The following PHF8 variants were observed in gnomAD, a reference collection of about 807,000 sequenced individuals.
The protein encoded by PHF8 is PHD finger protein 8.
A neutral mutation model predicts 74.4 loss-of-function variants in PHF8; 9 were observed. That is an observed-to-expected ratio of 0.12 (90% CI 0.07 to 0.21). The LOEUF is 0.21. PHF8 is among the 10% of genes least tolerant of loss of function. PHF8 has a pLI of 1.00. For synonymous variants in PHF8, 311 were observed against 316.6 expected, an observed-to-expected ratio of 0.98 and a Z score of 0.19; for missense variants, 478 against 816.6, an observed-to-expected ratio of 0.59 and a Z score of 5.05.
chrX:53,955,557 C>CTTTT (rs369969712), intron 19 of PHF8, among the ~76,000 whole-genome samples: 2 of 72,978 alleles, frequency 2.7e-5, no homozygotes, highest in Non-Finnish European at 5.0e-5. Flanking sequence ...CTCTTCTTTT[C>CTTTT]TTTTTTTTTT....
intron 20 of PHF8, chrX:53,943,526 G>A: frequency 1.6e-6 from 1 of 620,577 alleles, no homozygotes; most frequent in Middle Eastern, 3.5e-4. Context: ...TATAGGATAT[G>A]GGATTAGGAG....
At chrX:54,032,107 A>G (rs1569529682) in intron 2 of PHF8, among the ~76,000 whole-genome samples, 1 of 111,673 alleles carries the variant, frequency 9.0e-6, no homozygotes, top group Non-Finnish European at 1.9e-5. Context: ...CACTTGCTCA[A>G]AAAGCTTCTG....
intron 19 of PHF8, among the ~76,000 whole-genome samples, chrX:53,948,115 C>T (rs930813021): frequency 3.6e-5 from 4 of 111,542 alleles, no homozygotes; most frequent in African/African-American, 1.3e-4. Flanking sequence ...AAAAAGAACC[C>T]TCCTTGATTA....
Position 53,940,207 on chromosome X carries a change from C to T in PHF8, c.2959G>A (p.Gly987Ser), listed in dbSNP as rs1176242486. 11 of 1,184,263 alleles carry T rather than the reference C, an allele frequency of 9.3e-6. No individual in the cohort carries two copies. The highest frequency in any genetic ancestry group is 1.0e-5 in the Non-Finnish European group (9 of 881,742). Reference protein sequence around the residue: ...VFLTQRRPSVGSQSNQAGQGK... With the variant: ...VFLTQRRPSVSSQSNQAGQGK... ...TGTCCTGCCTGATTGCTCTGGGAGC[C>T]AACTGAAGGGCGCCGCTGGGTCAAG... is the stretch of plus-strand genomic sequence containing the variant. Residue 987 changes from glycine (G) to serine (S), a missense_variant, in exon 21 of 22, where the codon GGC becomes AGC. Transcript: ENST00000338154.
chrX:53,966,851 C>G (rs1557092828), intron 18 of PHF8, among the ~76,000 whole-genome samples: 1 of 109,591 alleles, frequency 9.1e-6, no homozygotes, highest in African/African-American at 3.3e-5. Context: ...GGCCGCCCAT[C>G]GTCTGAGATG....
chrX:54,042,328 AAT>A (rs1192511409), intron 2 of PHF8, among the ~76,000 whole-genome samples: 1 of 99,466 alleles, frequency 1.0e-5, no homozygotes, highest in Non-Finnish European at 2.0e-5. Context: ...TAAAAAATAA[AAT>A]AGAGAAGAAT....
At chrX:53,960,706 G>A (rs782398498) in intron 19 of PHF8, among the ~76,000 whole-genome samples, 37 of 108,598 alleles carry the variant, frequency 3.4e-4, no homozygotes, top group Non-Finnish European at 5.7e-4. Context: ...CCAAGATCCC[G>A]CCACTGCACT....
At position 53,938,778 on chromosome X, in the gene PHF8, CT is replaced by C; in HGVS notation, c.*379del. Reference sequence around the variant, plus strand: ...GTTGCAGAAAGTGTCAAGCACTGGGCTTCCCACTTCATGGCTCAGGCTCCTT... The same window carrying C: ...GTTGCAGAAAGTGTCAAGCACTGGGCTCCCACTTCATGGCTCAGGCTCCTT... On this transcript the variant is annotated 3_prime_UTR_variant, in exon 22 of 22. Transcript: ENST00000338154. The C allele has an allele frequency of 1.3e-6, 1 of 781,364 alleles. No homozygotes were observed. Among genetic ancestry groups the C allele is most frequent in the Non-Finnish European group, 1.5e-6 (1 of 657,126 alleles). 64.4% of individuals were successfully genotyped at this position (781,364 alleles called of 1,213,427 possible).
At chrX:53,994,299 G>T (rs1443804707) in intron 12 of PHF8, among the ~76,000 whole-genome samples, 1 of 112,318 alleles carries the variant, frequency 8.9e-6, no homozygotes, top group East Asian at 2.8e-4. Context: ...AAAGTTATCT[G>T]ACCATTTGAG....
At chrX:53,953,685 T>TA (rs1483918945) in intron 19 of PHF8, among the ~76,000 whole-genome samples, 2 of 107,109 alleles carry the variant, frequency 1.9e-5, no homozygotes, top group African/African-American at 6.8e-5. Flanking sequence ...AAATAGCTAT[T>TA]AAACATAAAA....
chrX:54,028,821 G>A (rs1032441051), intron 2 of PHF8, among the ~76,000 whole-genome samples: 6 of 111,750 alleles, frequency 5.4e-5, no homozygotes, highest in Admixed American at 9.5e-5. Flanking sequence ...TGAAGTAGAC[G>A]TTCTAGCATC....
Position 53,949,811 on chromosome X carries a change from C to CAAA in PHF8, c.2540-5571_2540-5569dup, listed in dbSNP as rs11353359. Among the ~76,000 whole-genome samples the CAAA allele has an allele frequency of 9.5e-3, 230 of 24,315 alleles. 6 individuals carry two copies. Among genetic ancestry groups the CAAA allele is most frequent in the African/African-American group, 0.024 (188 of 7,914 alleles). The allele number at this position is 24,315 out of a possible 115,157, so 21.1% of individuals were successfully genotyped here. ...TGGGTGACAGAGCAAGACTCCGTCT[C>CAAA]AAAAAAAAAAAAAAAAAAAAAAAAG... On this transcript the variant is annotated intron_variant, in intron 19 of 21. Coordinates refer to ENST00000338154, the MANE Select transcript of PHF8 (RefSeq NM_015107.3).
At chrX:54,018,152 A>G (rs782542350) in intron 4 of PHF8, among the ~76,000 whole-genome samples, 201 of 112,378 alleles carry the variant, frequency 1.8e-3, no homozygotes, top group African/African-American at 6.0e-3. Context: ...CCAATTTAAA[A>G]CACTGTCAAA....
chrX:54,020,774 A>T (rs1289778092), intron 4 of PHF8, among the ~76,000 whole-genome samples: 1 of 104,814 alleles, frequency 9.5e-6, no homozygotes, highest in African/African-American at 3.7e-5. Flanking sequence ...ACCTGAAAAG[A>T]AGTAAAAAAA....
At chrX:54,019,912 C>T (rs936809772) in intron 4 of PHF8, among the ~76,000 whole-genome samples, 1 of 109,869 alleles carries the variant, frequency 9.1e-6, no homozygotes. Context: ...TGGCTGGGCA[C>T]GGTGGCTCAC....
intron 2 of PHF8, among the ~76,000 whole-genome samples, chrX:54,039,401 C>T: frequency 9.0e-6 from 1 of 111,202 alleles, no homozygotes; most frequent in Admixed American, 9.7e-5. Flanking sequence ...TCAGTGGGGG[C>T]CCATAGAGAG....
At chrX:54,005,254 G>A (rs918254830) in intron 8 of PHF8, among the ~76,000 whole-genome samples, 10 of 110,144 alleles carry the variant, frequency 9.1e-5, no homozygotes, top group Non-Finnish European at 1.5e-4. Flanking sequence ...GATCACCTGA[G>A]GTCAGGAGTT....
chrX:53,960,109 T>C (rs1201563638), intron 19 of PHF8, among the ~76,000 whole-genome samples: 16 of 109,030 alleles, frequency 1.5e-4, no homozygotes, highest in Non-Finnish European at 2.7e-4. Flanking sequence ...AGAGTCTCGC[T>C]CTGTCACCCA....
At chrX:54,007,603 T>G (rs1189455435) in intron 8 of PHF8, among the ~76,000 whole-genome samples, 4 of 111,990 alleles carry the variant, frequency 3.6e-5, no homozygotes, top group Non-Finnish European at 7.5e-5. Context: ...TAAATAGATA[T>G]TTCTCCAAAA....
Sources: gnomAD v4.1 joint callset for allele counts (sites outside exome capture counted in the v4.1 genomes callset) on GRCh38, gnomAD v4.1.1 for gene constraint, MANE v1.5 for transcripts, NCBI Gene and HGNC (gene_info 2026-07-23, HGNC 2026-07-21) for gene names.